The following TCTN1 variants were observed in gnomAD, a reference collection of about 807,000 sequenced individuals.
TCTN1 encodes the protein tectonic family member 1.
Under a neutral mutation model 65.8 loss-of-function variants are expected in TCTN1, and 58 were observed. The ratio of observed to expected loss-of-function variants is 0.88; its 90% CI spans 0.71 to 1.10. The LOEUF is 1.10. Among genes scored for constraint, TCTN1 ranks in the 50% least tolerant of loss-of-function variants. The pLI, the probability that TCTN1 is intolerant of heterozygous loss-of-function variation, is 0.00. For synonymous variants in TCTN1, 273 were observed against 289.1 expected, an observed-to-expected ratio of 0.94 and a Z score of 0.57; for missense variants, 645 against 719.4, an observed-to-expected ratio of 0.90 and a Z score of 1.18.
Position 110,639,345 on chromosome 12 carries a change from G to A in TCTN1, c.844-1038G>A, listed in dbSNP as rs368348008. Among the ~76,000 whole-genome samples, 89 of 152,286 alleles carry A rather than the reference G, an allele frequency of 5.8e-4. No homozygotes were observed. Among genetic ancestry groups the A allele is most frequent in the South Asian group, 2.3e-3 (11 of 4,826 alleles). ...CATGAATGCAAAACGTCCTTTAATA[G>A]CACTGGGATAAGCAGGGCTTCCCTG... is the stretch of plus-strand genomic sequence containing the variant. On this transcript the variant is annotated intron_variant, in intron 7 of 14. Transcript: ENST00000397659. The surrounding 1 kb of genome is among the most constrained non-coding windows in gnomAD (Gnocchi z 4.9).
intron 10 of TCTN1, chr12:110,641,877 CCTT>C: frequency 5.3e-6 from 3 of 561,042 alleles, no homozygotes. Context: ...TTTTTAATCT[CCTT>C]TTTTTTTTCA....
intron 1 of TCTN1, among the ~76,000 whole-genome samples, chr12:110,619,244 A>G (rs775148592): frequency 2.1e-4 from 32 of 152,148 alleles, no homozygotes; most frequent in Non-Finnish European, 3.7e-4. Flanking sequence ...CCCCGCCCTC[A>G]TACCTTATTG....
intron 6 of TCTN1, 193 bp from the exon 7 acceptor site, chr12:110,636,288 A>G (rs1201362338): frequency 5.8e-6 from 3 of 520,754 alleles, no homozygotes; most frequent in Non-Finnish European, 1.0e-5. Context: ...GGAAAACGCA[A>G]TGTGACCTCT....
chr12:110,632,493 T>A lies in TCTN1; in HGVS notation c.646T>A (p.Ser216Thr). Reference sequence around the variant, plus strand: ...GCAGTATGGGGTTCCTCTGCAGACTTCAGATTCGTTTCTGAGATTTCCTTC... The same window carrying A: ...GCAGTATGGGGTTCCTCTGCAGACTACAGATTCGTTTCTGAGATTTCCTTC... ...KYEYGVPLQTSDSFLRFPSSL... is the reference protein window; with the variant it reads ...KYEYGVPLQTTDSFLRFPSSL... Residue 216 changes from serine (S) to threonine (T), a missense_variant, in exon 5 of 15, where the codon TCA (serine) becomes ACA (threonine). Physicochemically the swap from Ser to Thr is moderately conservative, Grantham distance 58. Transcript: ENST00000397659. 1 of 1,614,068 alleles carries A rather than the reference T, an allele frequency of 6.2e-7. No homozygotes were observed. Among genetic ancestry groups the A allele is most frequent in the African/African-American group, 1.3e-5 (1 of 75,048 alleles).
chr12:110,646,735 G>A (rs7960705), intron 12 of TCTN1: 26,891 of 218,764 alleles, frequency 0.12, 2,332 homozygotes, highest in African/African-American at 0.27. Flanking sequence ...ATGAAATTAG[G>A]TAAATGAAAA....
chr12:110,645,359 A>G, intron 12 of TCTN1: 1 of 561,126 alleles, frequency 1.8e-6, no homozygotes, highest in Non-Finnish European at 3.2e-6. Context: ...GCTAGTCAAT[A>G]GTGAGTGAAT....
chr12:110,645,308 T>G, intron 12 of TCTN1, 179 bp downstream of exon 12: 1 of 740,880 alleles, frequency 1.3e-6, no homozygotes, highest in Non-Finnish European at 2.2e-6. Context: ...GCCAGCAGTT[T>G]TATGGCTTTG....
At chr12:110,647,094 T>C in intron 12 of TCTN1, 102 bp from the exon 13 acceptor site, 1 of 1,408,568 alleles carries the variant, frequency 7.1e-7, no homozygotes, top group Non-Finnish European at 1.0e-6. Context: ...TTCATTTTCT[T>C]GTTCAGAACA....
At chr12:110,645,246 G>A (rs1028331635) in intron 12 of TCTN1, 117 bp downstream of exon 12, 179 of 1,371,096 alleles carry the variant, frequency 1.3e-4, no homozygotes, top group Non-Finnish European at 9.4e-5. Context: ...GTGGGAGCGC[G>A]GGCTGAATCT....
In TCTN1 at chr12:110,614,340, C is replaced by T. The variant is rs1333027755; in HGVS notation, c.158C>T (p.Pro53Leu). ...ATFGTFPSTRPPGTPRAPGPS... is the reference protein window; with the variant it reads ...ATFGTFPSTRLPGTPRAPGPS... ...TTCGGAACTTTCCCGTCGACCAGGC[C>T]CCCCGGGACTCCCAGGGCTCCAGGG... Residue 53 changes from proline to leucine, a missense_variant, in exon 1 of 15, where the codon CCC becomes CTC. Physicochemically the swap from Pro to Leu is moderately conservative, Grantham distance 98. Transcript: ENST00000397659. 6 of 1,607,012 alleles carry T rather than the reference C, an allele frequency of 3.7e-6. No individual in the cohort carries two copies. In the South Asian group the frequency reaches 4.5e-5, roughly 12 times the overall value.
chr12:110,632,956 A>G (rs2066328839), intron 5 of TCTN1, among the ~76,000 whole-genome samples: 1 of 152,164 alleles, frequency 6.6e-6, no homozygotes. Context: ...TGTGCTGGGT[A>G]TTGTGTTAAG....
chr12:110,620,680 T>C (rs1397311854), intron 2 of TCTN1, among the ~76,000 whole-genome samples: 1 of 152,162 alleles, frequency 6.6e-6, no homozygotes, highest in African/African-American at 2.4e-5. Context: ...ACTTTTCTGA[T>C]ATGTAAATCT....
intron 3 of TCTN1, 83 bp from the exon 4 acceptor site, chr12:110,628,684 A>T (rs1251069679): frequency 5.6e-6 from 7 of 1,258,378 alleles, no homozygotes; most frequent in Non-Finnish European, 5.5e-6. Flanking sequence ...GCTATTAAAA[A>T]CTTTCCAAAA....
At chr12:110,620,117 G>C (rs1469846045) in intron 2 of TCTN1, among the ~76,000 whole-genome samples, 161 bp downstream of exon 2, 1 of 152,134 alleles carries the variant, frequency 6.6e-6, no homozygotes, top group Non-Finnish European at 1.5e-5. Flanking sequence ...TAAAAAAGTA[G>C]CTATCCCTGG....
chr12:110,626,836 T>C (rs2065883564), intron 3 of TCTN1, among the ~76,000 whole-genome samples: 1 of 139,556 alleles, frequency 7.2e-6, no homozygotes, highest in South Asian at 2.6e-4. Flanking sequence ...AACGGCTCAA[T>C]CTCGGCTCAT....
chr12:110,649,262 T>C lies in TCTN1; in HGVS notation c.*221T>C, dbSNP rs1487149783. The C allele has an allele frequency of 7.8e-5, 54 of 692,722 alleles. No individual in the cohort carries two copies. The highest frequency in any genetic ancestry group is 1.3e-4 in the Non-Finnish European group (51 of 380,222). 42.9% of individuals were successfully genotyped at this position (692,722 alleles called of 1,614,324 possible). A position where few individuals can be genotyped will look rare whatever the true frequency, so the allele number is the denominator to read the frequency against. ...TGGTACTGGACCTTCCACAAGGCTG[T>C]GTCCACCCAGAATCCATGCTGGCAG... On this transcript the variant is annotated 3_prime_UTR_variant, in exon 15 of 15. Coordinates refer to ENST00000397659, the MANE Select transcript of TCTN1 (RefSeq NM_001082538.3).
chr12:110,625,128 G>C (rs1044122811), intron 2 of TCTN1, among the ~76,000 whole-genome samples: 1 of 152,156 alleles, frequency 6.6e-6, no homozygotes, highest in East Asian at 1.9e-4. Flanking sequence ...CAATCTGAAG[G>C]TCTGCAAAAT....
At chr12:110,647,922 G>A (rs1425757855) in intron 14 of TCTN1, 29 bp downstream of exon 14, 1 of 1,611,742 alleles carries the variant, frequency 6.2e-7, no homozygotes. Flanking sequence ...CCCCTCCTCT[G>A]AGGTCATCCC....
At chr12:110,623,845 A>G (rs1019396230) in intron 2 of TCTN1, among the ~76,000 whole-genome samples, 2 of 150,666 alleles carry the variant, frequency 1.3e-5, no homozygotes, top group African/African-American at 2.4e-5. Context: ...CCAGCCTCCC[A>G]AAATGCTGGG....
Sources: gnomAD v4.1 joint callset for allele counts (sites outside exome capture counted in the v4.1 genomes callset) on GRCh38, gnomAD v4.1.1 for gene constraint, Gnocchi (gnomAD v3.1) non-coding constraint, MANE v1.5 for transcripts, NCBI Gene and HGNC (gene_info 2026-07-23, HGNC 2026-07-21) for gene names.